The following NPFFR1 variants were observed in gnomAD, a reference collection of about 807,000 sequenced individuals.
The protein encoded by NPFFR1 is neuropeptide FF receptor 1.
A neutral mutation model predicts 12.7 loss-of-function variants in NPFFR1; 17 were observed. The ratio of observed to expected loss-of-function variants is 1.34; its 90% confidence interval spans 0.92 to 2.01. NPFFR1 has a LOEUF of 2.01. Among genes scored for constraint, NPFFR1 ranks in the 30% most tolerant of loss-of-function variants. NPFFR1 has a pLI of 0.00. For synonymous variants in NPFFR1, 296 were observed against 264.5 expected, an observed-to-expected ratio of 1.12 and a Z score of -1.16; for missense variants, 604 against 606.5, an observed-to-expected ratio of 1.00 and a Z score of 0.04.
In NPFFR1 at chr10:70,248,489, T is replaced by TTTTTTTTTTTTTTTTTTTTTTG. The variant is rs1840477391; in HGVS notation, c.*6467_*6468insCAAAAAAAAAAAAAAAAAAAAA. The TTTTTTTTTTTTTTTTTTTTTTG allele has an allele frequency of 6.1e-5, 7 of 113,880 alleles. No homozygotes were observed. The highest frequency in any genetic ancestry group is 2.8e-4 in the East Asian group (1 of 3,546). The allele number at this position is 113,880 out of a possible 1,614,324, so 7.1% of individuals were successfully genotyped here. A position where few individuals can be genotyped will look rare whatever the true frequency, so the allele number is the denominator to read the frequency against. The stretch of plus-strand genomic sequence containing the variant: ...GGCGTTTTTTTTTTGTTTTTTGTTT[T>TTTTTTTTTTTTTTTTTTTTTTG]TTTTTTTTTTTTTTGAGATGGAGTC... On this transcript the variant is annotated 3_prime_UTR_variant, in exon 4 of 4. Transcript: ENST00000277942.
chr10:70,259,887 A>T (rs1589910369), intron 3 of NPFFR1, among the ~76,000 whole-genome samples: 1 of 152,186 alleles, frequency 6.6e-6, no homozygotes, highest in Admixed American at 6.5e-5. Context: ...TAGTTAGGTG[A>T]CCCACCCAAC....
rs371943467 is a variant in NPFFR1 at position 70,281,198 on chromosome 10, T to C, written c.7+2472A>G. On this transcript the variant is annotated intron_variant, in intron 1 of 3. Coordinates refer to ENST00000277942, the MANE Select transcript of NPFFR1 (RefSeq NM_022146.5). Reference sequence around the variant, plus strand: ...ACCCCACCAGGTCTGCACCTGGGAGTCTCTCTGCTCTGCTTCCTCTGAAGT... The same window carrying C: ...ACCCCACCAGGTCTGCACCTGGGAGCCTCTCTGCTCTGCTTCCTCTGAAGT... Among the ~76,000 whole-genome samples, 20 of 151,960 alleles carry C rather than the reference T, an allele frequency of 1.3e-4. No individual in the cohort carries two copies. The South Asian group carries it at 4.0e-3, about 30-fold the overall frequency.
rs754210121 is a variant in NPFFR1, at chr10:70,260,755, C to T, written c.323-16G>A. ...AAGGGCCACCCTGCAATGACAGAGGCCCCCACAGAGTGAGAGATGCCCACG... is the reference window on the plus strand; with the variant it reads ...AAGGGCCACCCTGCAATGACAGAGGTCCCCACAGAGTGAGAGATGCCCACG... On this transcript the variant is annotated splice_polypyrimidine_tract_variant and intron_variant, in intron 2 of 3. Transcript: ENST00000277942. 1.9e-6 allele frequency: 3 copies of T among 1,552,986 alleles called. No individual in the cohort carries two copies. The highest frequency in any genetic ancestry group is 2.4e-5 in the Admixed American group (1 of 41,854).
At chr10:70,270,292 G>T (rs1840732963) in intron 1 of NPFFR1, among the ~76,000 whole-genome samples, 1 of 152,126 alleles carries the variant, frequency 6.6e-6, no homozygotes. Flanking sequence ...ATGTTGGAAG[G>T]CCTTCTCCAG....
chr10:70,255,598 TG>T lies in NPFFR1; in HGVS notation c.651del (p.Thr218LeufsTer242). Reference sequence around the variant, plus strand: ...AGGTAGATGTGCGAGAAGAGCACAGTGGTGTAGACCCTGCGCATGCCCTTCT... The same window carrying T: ...AGGTAGATGTGCGAGAAGAGCACAGTGTGTAGACCCTGCGCATGCCCTTCT... ...WPEKGMRRVY[T>X]TVLFSHIYLA... is the part of the protein sequence containing the mutation. On this transcript the variant is annotated frameshift_variant, in exon 4 of 4. Coordinates refer to ENST00000277942, the MANE Select transcript of NPFFR1 (RefSeq NM_022146.5). LOFTEE classifies it low-confidence loss of function (END_TRUNC). This position sits in a 1 kb window ranked among gnomAD's most constrained non-coding sequence, Gnocchi z 4.2. 6.4e-7 allele frequency: 1 copy of T among 1,557,442 alleles called. No homozygotes were observed. Among genetic ancestry groups the T allele is most frequent in the Non-Finnish European group, 8.7e-7 (1 of 1,150,922 alleles).
rs1177240387 is a variant in NPFFR1, at chr10:70,248,501, T to TTTTTTTTTTTA, written c.*6455_*6456insTAAAAAAAAAA. The TTTTTTTTTTTA allele has an allele frequency of 7.4e-6, 1 of 135,714 alleles. No homozygotes were observed. Among genetic ancestry groups the TTTTTTTTTTTA allele is most frequent in the African/African-American group, 2.7e-5 (1 of 37,266 alleles). The allele number at this position is 135,714 out of a possible 1,614,324, so 8.4% of individuals were successfully genotyped here. On this transcript the variant is annotated 3_prime_UTR_variant, in exon 4 of 4. Transcript: ENST00000277942. ...TTGTTTTTTGTTTTTTTTTTTTTTT[T>TTTTTTTTTTTA]TTGAGATGGAGTCTCACTCTGTTGC...
rs568929023 is a variant in NPFFR1, at chr10:70,262,007, T to C, written c.323-1268A>G. On this transcript the variant is annotated intron_variant, in intron 2 of 3. Transcript: ENST00000277942. ...TGAGAAAAAAGAGATTAAGAAAATA[T>C]ATGGTTATTTTCTCATTGTACCAAA... 5.9e-5 allele frequency among the ~76,000 whole-genome samples: 9 copies of C among 152,310 alleles called. No individual in the cohort carries two copies. In the South Asian group the frequency reaches 1.5e-3, roughly 25 times the overall value.
Position 70,255,271 on chromosome 10 carries a change from T to C in NPFFR1, c.979A>G (p.Ile327Val), listed in dbSNP as rs1475147313. 5 of 1,576,846 alleles carry C rather than the reference T, an allele frequency of 3.2e-6. No individual in the cohort carries two copies. In the East Asian group the frequency reaches 9.2e-5, roughly 29 times the overall value. The change falls in exon 4 of 4, where the codon ATC (isoleucine) becomes GTC (valine). Residue 327 changes from isoleucine to valine, a missense_variant. Physicochemically the swap from Ile to Val is conservative, Grantham distance 29. Transcript: ENST00000277942. The surrounding 1 kb of genome is among the most constrained non-coding windows in gnomAD (Gnocchi z 4.2). ...TTCTCGTTGAAGTAGCCGTAGATGA[T>C]GGGGTTGGCGCTGCTGTTGAAGAAG... ...LAFFNSSANP[I>V]IYGYFNENFR... is the part of the protein sequence containing the mutation.
chr10:70,260,097 C>T (rs916901753), intron 3 of NPFFR1, among the ~76,000 whole-genome samples: 2 of 152,216 alleles, frequency 1.3e-5, no homozygotes, highest in African/African-American at 2.4e-5. Context: ...CTGCTCCATA[C>T]CTTTGGCCAC....
chr10:70,271,772 T>A (rs1294186181), intron 1 of NPFFR1, among the ~76,000 whole-genome samples: 1 of 152,120 alleles, frequency 6.6e-6, no homozygotes, highest in East Asian at 1.9e-4. Context: ...AGCCACACAA[T>A]GGATGTGAGC....
At position 70,251,518 on chromosome 10, in the gene NPFFR1, C is replaced by T. The variant is rs1290699930; in HGVS notation, c.*3439G>A. ...GAGGCCATTCATCAGTGGAGAGCCA[C>T]AATGAGGGTGACCACTCATGCCGCA... On this transcript the variant is annotated 3_prime_UTR_variant, in exon 4 of 4. Coordinates refer to ENST00000277942, the MANE Select transcript of NPFFR1 (RefSeq NM_022146.5). 6.6e-6 allele frequency: 1 copy of T among 152,358 alleles called. No homozygotes were observed. Among genetic ancestry groups the T allele is most frequent in the Non-Finnish European group, 1.5e-5 (1 of 68,144 alleles). 9.4% of individuals were successfully genotyped at this position (152,358 alleles called of 1,614,324 possible).
At chr10:70,257,240 G>A (rs1393912964) in intron 3 of NPFFR1, among the ~76,000 whole-genome samples, 1 of 152,130 alleles carries the variant, frequency 6.6e-6, no homozygotes, top group African/African-American at 2.4e-5. Context: ...TGTGTAGAAA[G>A]GGAAGACATA....
intron 3 of NPFFR1, among the ~76,000 whole-genome samples, chr10:70,257,150 A>G (rs886632010): frequency 6.6e-6 from 1 of 152,204 alleles, no homozygotes; most frequent in Admixed American, 6.5e-5. Context: ...TCTTCCAGCT[A>G]CACAGGAGGC....
intron 1 of NPFFR1, among the ~76,000 whole-genome samples, chr10:70,282,371 T>A (rs1450322162): frequency 1.3e-5 from 2 of 152,216 alleles, no homozygotes; most frequent in African/African-American, 4.8e-5. Flanking sequence ...CCCCGACTTC[T>A]GTTCACTGGA....
rs543661165 is a variant in NPFFR1 at position 70,255,180 on chromosome 10, T to C, written c.1070A>G (p.Lys357Arg). 5 of 1,548,582 alleles carry C rather than the reference T, an allele frequency of 3.2e-6. No homozygotes were observed. Among genetic ancestry groups the C allele is most frequent in the East Asian group, 4.9e-5 (2 of 41,226 alleles). Residue 357 changes from lysine to arginine, a missense_variant, in exon 4 of 4, where the codon AAG becomes AGG. Transcript: ENST00000277942. This position sits in a 1 kb window ranked among gnomAD's most constrained non-coding sequence, Gnocchi z 4.2. ...RLCPRPSGSH[K>R]EAYSERPGGL... ...GCCGGGCCGCTCGGAGTAGGCCTCC[T>C]TGTGGCTCCCCGACGGGCGCGGGCA...
intron 3 of NPFFR1, 145 bp downstream of exon 3, chr10:70,260,495 G>A (rs566225760): frequency 8.3e-6 from 6 of 724,382 alleles, no homozygotes; most frequent in Admixed American, 2.2e-5. Flanking sequence ...TGGGCCCAGG[G>A]CCCTTCTCCT....
intron 1 of NPFFR1, among the ~76,000 whole-genome samples, chr10:70,273,085 T>C (rs1840766465): frequency 6.6e-6 from 1 of 152,214 alleles, no homozygotes; most frequent in Non-Finnish European, 1.5e-5. Flanking sequence ...TGTGATAAAA[T>C]ACTGATGATG....
At chr10:70,268,085 A>C (rs1840714727) in intron 1 of NPFFR1, among the ~76,000 whole-genome samples, 2 of 152,254 alleles carry the variant, frequency 1.3e-5, no homozygotes, top group African/African-American at 2.4e-5. Flanking sequence ...CTGTTATTAG[A>C]GGGATCATAT....
intron 1 of NPFFR1, among the ~76,000 whole-genome samples, chr10:70,266,723 G>T (rs1840695586): frequency 6.6e-6 from 1 of 152,232 alleles, no homozygotes; most frequent in Admixed American, 6.5e-5. Flanking sequence ...GCATTGCCCT[G>T]GTTCCCTTGT....
Sources: gnomAD v4.1 joint callset for allele counts (sites outside exome capture counted in the v4.1 genomes callset) on GRCh38, gnomAD v4.1.1 for gene constraint, Gnocchi (gnomAD v3.1) non-coding constraint, MANE v1.5 for transcripts, NCBI Gene and HGNC (gene_info 2026-07-23, HGNC 2026-07-21) for gene names.